Variants in PHYHIPL observed in about 807,000 individuals in gnomAD.
PHYHIPL encodes the protein phytanoyl-CoA 2-hydroxylase interacting protein like, also known as phytanoyl-CoA hydroxylase-interacting protein-like.
A neutral mutation model predicts 33.4 loss-of-function variants in PHYHIPL; 9 were observed. The ratio of observed to expected loss-of-function variants is 0.27; its 90% CI spans 0.16 to 0.47. The LOEUF is 0.47. Among genes scored for constraint, PHYHIPL ranks in the 20% least tolerant of loss-of-function variants. PHYHIPL has a pLI of 0.99. For missense variants in PHYHIPL, 365 were observed against 460.7 expected (o/e 0.79, Z 1.90); for synonymous variants, 153 against 154.1 (o/e 0.99, Z 0.05).
At chr10:59,181,727 T>C (rs562184715) in intron 1 of PHYHIPL, among the ~76,000 whole-genome samples, 4 of 152,262 alleles carry the variant, frequency 2.6e-5, no homozygotes, top group African/African-American at 9.6e-5. Context: ...AAATAAAAAC[T>C]AAAAGAAACA....
intron 1 of PHYHIPL, among the ~76,000 whole-genome samples, chr10:59,232,490 A>T (rs1840107772): frequency 1.3e-5 from 2 of 151,970 alleles, no homozygotes. Flanking sequence ...AATCCAAAAA[A>T]CAAAGTATTA....
chr10:59,175,834 T>C (rs550941318), upstream of PHYHIPL, among the ~76,000 whole-genome samples: 3 of 152,314 alleles, frequency 2.0e-5, no homozygotes, highest in African/African-American at 7.2e-5. Context: ...AACAATGGCA[T>C]AGGGTGAGCA....
chr10:59,175,177 C>T (rs903122869), upstream of PHYHIPL, among the ~76,000 whole-genome samples: 2 of 152,190 alleles, frequency 1.3e-5, no homozygotes, highest in African/African-American at 4.8e-5. Flanking sequence ...TTTACCCTCT[C>T]CTTGGGGACA....
At chr10:59,181,190 G>A (rs1589254987) in intron 1 of PHYHIPL, among the ~76,000 whole-genome samples, 1 of 152,074 alleles carries the variant, frequency 6.6e-6, no homozygotes, top group Non-Finnish European at 1.5e-5. Flanking sequence ...ATACAAAATA[G>A]ACAGTAATAA....
chr10:59,213,447 T>A (rs964732754), intron 1 of PHYHIPL, among the ~76,000 whole-genome samples: 1 of 152,124 alleles, frequency 6.6e-6, no homozygotes, highest in Non-Finnish European at 1.5e-5. Context: ...TATAAAAAAA[T>A]AATATTTAAA....
chr10:59,231,488 A>G (rs1390532504), intron 1 of PHYHIPL, among the ~76,000 whole-genome samples: 1 of 152,102 alleles, frequency 6.6e-6, no homozygotes, highest in Admixed American at 6.5e-5. Flanking sequence ...ACAAAGAAAG[A>G]CACTTTTAGA....
At chr10:59,239,198 C>T (rs141438234) in intron 4 of PHYHIPL, among the ~76,000 whole-genome samples, 103 of 151,856 alleles carry the variant, frequency 6.8e-4, no homozygotes, top group African/African-American at 2.3e-3. Context: ...AAAATGTACC[C>T]GAGATTGGGC....
chr10:59,208,886 G>T lies in PHYHIPL; in HGVS notation c.107-25418G>T, dbSNP rs971918437. Reference sequence around the variant, plus strand: ...AAGACAAGATTAGAGAAAAAAGAACGAAAAGGAACAAACAAACCCTCCAAG... The same window carrying T: ...AAGACAAGATTAGAGAAAAAAGAACTAAAAGGAACAAACAAACCCTCCAAG... On this transcript the variant is annotated intron_variant, in intron 1 of 4. Transcript: ENST00000373880. 5.9e-5 allele frequency among the ~76,000 whole-genome samples: 9 copies of T among 151,994 alleles called. No individual in the cohort carries two copies. In the East Asian group the frequency reaches 1.7e-3, roughly 29 times the overall value.
chr10:59,184,506 G>C (rs544087165), intron 1 of PHYHIPL, among the ~76,000 whole-genome samples: 26 of 152,280 alleles, frequency 1.7e-4, no homozygotes, highest in Admixed American at 1.4e-3. Flanking sequence ...GAGTCAGGCA[G>C]AGAGATGTAG....
chr10:59,242,496 C>T lies in PHYHIPL; in HGVS notation c.597-2561C>T, dbSNP rs557983912. On this transcript the variant is annotated intron_variant, in intron 4 of 4. Transcript: ENST00000373880. The stretch of plus-strand genomic sequence containing the variant: ...ATAATAACATAAAACTTAAAATGTC[C>T]AGGATACAAATGGAACTCAGGTATC... 1.7e-4 allele frequency among the ~76,000 whole-genome samples: 26 copies of T among 152,030 alleles called. No individual in the cohort carries two copies. In the East Asian group the frequency reaches 5.0e-3, roughly 29 times the overall value.
chr10:59,182,556 T>C (rs1396741872), intron 1 of PHYHIPL, among the ~76,000 whole-genome samples: 1 of 152,144 alleles, frequency 6.6e-6, no homozygotes, highest in African/African-American at 2.4e-5. Flanking sequence ...TTGGCCAGGC[T>C]GGTCTTGAAC....
chr10:59,246,699 ATAAC>A lies in PHYHIPL; in HGVS notation c.*1111_*1114del. ...CTTTTCATTTTGTACAGAAGGATGA[ATAAC>A]TACAGCTCATGGGAAATGTTTTGAC... On this transcript the variant is annotated 3_prime_UTR_variant, in exon 5 of 5. Transcript: ENST00000373880. The A allele has an allele frequency of 2.5e-6, 1 of 397,498 alleles. No individual in the cohort carries two copies. The allele number at this position is 397,498 out of a possible 1,614,324, so 24.6% of individuals were successfully genotyped here.
intron 1 of PHYHIPL, among the ~76,000 whole-genome samples, chr10:59,208,598 C>T (rs2133233518): frequency 6.6e-6 from 1 of 152,128 alleles, no homozygotes; most frequent in Non-Finnish European, 1.5e-5. Context: ...CAGAAGTAGG[C>T]TTCAGAAGGT....
At chr10:59,223,223 G>A (rs993327867) in intron 1 of PHYHIPL, among the ~76,000 whole-genome samples, 2 of 152,076 alleles carry the variant, frequency 1.3e-5, no homozygotes, top group African/African-American at 4.8e-5. Flanking sequence ...AATTTGTACG[G>A]GCCTTTGGCT....
intron 1 of PHYHIPL, among the ~76,000 whole-genome samples, chr10:59,226,429 G>C (rs1260239632): frequency 6.6e-6 from 1 of 152,068 alleles, no homozygotes; most frequent in African/African-American, 2.4e-5. Flanking sequence ...CAAAAAGAAG[G>C]CCCCAGTGTT....
chr10:59,247,459 T>C lies in PHYHIPL; in HGVS notation c.*1868T>C. The stretch of plus-strand genomic sequence containing the variant: ...CCCGTTTAAATCCCTTCTCCTTGTA[T>C]ATAATTAAACTTGCTATTCCTTCTT... On this transcript the variant is annotated 3_prime_UTR_variant, in exon 5 of 5. Coordinates refer to ENST00000373880, the MANE Select transcript of PHYHIPL (RefSeq NM_032439.4). 3.5e-6 allele frequency: 3 copies of C among 868,822 alleles called. No individual in the cohort carries two copies. Among genetic ancestry groups the C allele is most frequent in the Non-Finnish European group, 5.4e-6 (3 of 552,900 alleles). 53.8% of individuals were successfully genotyped at this position (868,822 alleles called of 1,614,324 possible).
In PHYHIPL at chr10:59,245,911, G is replaced by A. The variant is rs1246152753; in HGVS notation, c.*320G>A. The stretch of plus-strand genomic sequence containing the variant: ...CAGTTATATAGACTGCTTTAGCAAA[G>A]TACACAATAATGGCTTATAAATGGT... On this transcript the variant is annotated 3_prime_UTR_variant, in exon 5 of 5. Transcript: ENST00000373880. The A allele has an allele frequency of 4.2e-6, 1 of 239,626 alleles. No homozygotes were observed. The highest frequency in any genetic ancestry group is 2.3e-5 in the African/African-American group (1 of 44,124). The allele number at this position is 239,626 out of a possible 1,614,324, so 14.8% of individuals were successfully genotyped here. A position where few individuals can be genotyped will look rare whatever the true frequency, so the allele number is the denominator to read the frequency against.
In PHYHIPL at chr10:59,194,900, C is replaced by T. The variant is rs11006397; in HGVS notation, c.106+17941C>T. Among the ~76,000 whole-genome samples the T allele has an allele frequency of 5.1e-3, 776 of 152,182 alleles. 1 individual carries two copies. The highest frequency in any genetic ancestry group is 8.6e-3 in the Non-Finnish European group (585 of 68,008). Reference sequence around the variant, plus strand: ...GCATGCTAGACAGCTGAATTTCTGGCATTTACCTGTGAGTGTAGAAAGCTT... The same window carrying T: ...GCATGCTAGACAGCTGAATTTCTGGTATTTACCTGTGAGTGTAGAAAGCTT... On this transcript the variant is annotated intron_variant, in intron 1 of 4. Transcript: ENST00000373880.
chr10:59,245,627 C>T lies in PHYHIPL; in HGVS notation c.*36C>T. 1.3e-6 allele frequency: 2 copies of T among 1,543,492 alleles called. No homozygotes were observed. The highest frequency in any genetic ancestry group is 2.6e-5 in the South Asian group (2 of 77,804). The stretch of plus-strand genomic sequence containing the variant: ...TCTTATTCTTACTCAGCCCCTTTTC[C>T]TCCCTTAGGAGCATTGGTCCTCTGT... On this transcript the variant is annotated 3_prime_UTR_variant, in exon 5 of 5. Coordinates refer to ENST00000373880, the MANE Select transcript of PHYHIPL (RefSeq NM_032439.4).
Sources: allele counts gnomAD v4.1 joint callset (sites outside exome capture counted in the v4.1 genomes callset), GRCh38; gene constraint gnomAD v4.1.1; transcripts MANE v1.5; gene names NCBI Gene and HGNC (gene_info 2026-07-23, HGNC 2026-07-21).